HOXA9: variants seen among roughly 807,000 people sequenced by gnomAD.
HOXA9 encodes homeobox protein Hox-A9.
In HOXA9, 18 loss-of-function variants were observed where a neutral mutation model predicts 19.0. The ratio of observed to expected loss-of-function variants is 0.95; its 90% CI spans 0.65 to 1.40. The LOEUF is 1.40. HOXA9 is among the 40% of genes most tolerant of loss of function. HOXA9 has a pLI of 0.00. For missense variants in HOXA9, 443 were observed against 372.2 expected (o/e 1.19, Z -1.57); for synonymous variants, 198 against 161.1 (o/e 1.23, Z -1.73).
rs1562504807 is a variant in HOXA9 at position 27,163,914 on chromosome 7, TG to T, written c.581-74del. On this transcript the variant is annotated intron_variant, in intron 1 of 1. Coordinates refer to ENST00000343483, the MANE Select transcript of HOXA9 (RefSeq NM_152739.4). Reference sequence around the variant, plus strand: ...CGCTGGGGCAAATGAGCCTCCTGCATGGGGTCTCTGGCCGAAGTGCAGAACT... The same window carrying T: ...CGCTGGGGCAAATGAGCCTCCTGCATGGGTCTCTGGCCGAAGTGCAGAACT... 17 of 1,257,676 alleles carry T rather than the reference TG, an allele frequency of 1.4e-5. No homozygotes were observed. The South Asian group carries it at 2.0e-4, about 15-fold the overall frequency. 77.9% of individuals were successfully genotyped at this position (1,257,676 alleles called of 1,614,324 possible).
In HOXA9 at chr7:27,165,410, C is replaced by G; in HGVS notation, c.48G>C (p.Leu16=). 1 of 1,609,672 alleles carries G rather than the reference C, an allele frequency of 6.2e-7. No homozygotes were observed. The highest frequency in any genetic ancestry group is 1.3e-5 in the African/African-American group (1 of 74,884). The change falls in exon 1 of 2, where the codon CTG becomes CTC. Residue 16 remains leucine (L), a synonymous_variant. Coordinates refer to ENST00000343483, the MANE Select transcript of HOXA9 (RefSeq NM_152739.4). ...ALGNYYVDSF[L]LGADAADELS... The stretch of plus-strand genomic sequence containing the variant: ...GCTCATCCGCGGCGTCGGCGCCCAG[C>G]AGGAACGAGTCCACGTAGTAGTTGC...
Position 27,163,449 on chromosome 7 carries a change from T to G in HOXA9, c.*154A>C. 1.5e-6 allele frequency: 1 copy of G among 688,380 alleles called. No individual in the cohort carries two copies. Among genetic ancestry groups the G allele is most frequent in the South Asian group, 1.8e-5 (1 of 55,876 alleles). The allele number at this position is 688,380 out of a possible 1,614,324, so 42.6% of individuals were successfully genotyped here. ...CGAGCCAGCCTGAACAGGGTTTGCC[T>G]TGGAAAAGATGTGGCCTGAGGTTTA... On this transcript the variant is annotated 3_prime_UTR_variant, in exon 2 of 2. Transcript: ENST00000343483.
chr7:27,164,385 C>CCGGGT (rs1365071431), intron 1 of HOXA9, among the ~76,000 whole-genome samples: 1 of 152,222 alleles, frequency 6.6e-6, no homozygotes, highest in Non-Finnish European at 1.5e-5. Flanking sequence ...CCCTTGTGGC[C>CCGGGT]CGGGTCGCCC....
At chr7:27,164,128 T>C (rs148324732) in intron 1 of HOXA9, among the ~76,000 whole-genome samples, 13 of 152,232 alleles carry the variant, frequency 8.5e-5, no homozygotes, top group African/African-American at 2.9e-4. Context: ...AAACGCTGTA[T>C]AGAATGAAAT....
Position 27,163,576 on chromosome 7 carries a change from C to G in HOXA9, c.*27G>C, listed in dbSNP as rs17472140. 709 of 1,554,630 alleles carry G rather than the reference C, an allele frequency of 4.6e-4. 5 individuals are homozygous for G. The African/African-American group carries it at 8.5e-3, about 19-fold the overall frequency. On this transcript the variant is annotated 3_prime_UTR_variant, in exon 2 of 2. Coordinates refer to ENST00000343483, the MANE Select transcript of HOXA9 (RefSeq NM_152739.4). ...TCTTTCTTTTTCTCTCTAGCTTACC[C>G]TTTTTTCTAAATAAGCCCAAATGGC...
rs1471459341 is a variant in HOXA9 at position 27,163,049 on chromosome 7, T to G, written c.*554A>C. On this transcript the variant is annotated 3_prime_UTR_variant, in exon 2 of 2. Coordinates refer to ENST00000343483, the MANE Select transcript of HOXA9 (RefSeq NM_152739.4). ...TGTTTTTTTCCCCTCATAAACAACC[T>G]GAGTTCAAATTGAATTCTATCTTCC... 4.8e-6 allele frequency: 1 copy of G among 208,866 alleles called. No individual in the cohort carries two copies. Among genetic ancestry groups the G allele is most frequent in the East Asian group, 7.3e-5 (1 of 13,726 alleles). 12.9% of individuals were successfully genotyped at this position (208,866 alleles called of 1,614,324 possible).
Position 27,165,094 on chromosome 7 carries a change from C to T in HOXA9, c.364G>A (p.Ala122Thr). 6.2e-7 allele frequency: 1 copy of T among 1,612,970 alleles called. No homozygotes were observed. Among genetic ancestry groups the T allele is most frequent in the Middle Eastern group, 1.7e-4 (1 of 6,048 alleles). Residue 122 changes from alanine (A) to threonine (T), a missense_variant, in exon 1 of 2, where the codon GCG becomes ACG. Coordinates refer to ENST00000343483, the MANE Select transcript of HOXA9 (RefSeq NM_152739.4). ...TAAGGCCGGCTGGAGGGCAAGCCCG[C>T]GAAGGAGAGCGCACCGGGCGTGGGC... ...LEPTPGALSF[A>T]GLPSSRPYGI... is the part of the protein sequence containing the mutation.
chr7:27,164,839 G>A, intron 1 of HOXA9, 39 bp downstream of exon 1: 1 of 1,587,084 alleles, frequency 6.3e-7, no homozygotes, highest in Non-Finnish European at 8.6e-7. Context: ...GGAGGCCGGC[G>A]TGGAGGCGGC....
rs1175504000 is a variant in HOXA9, at chr7:27,165,327, G to A, written c.131C>T (p.Thr44Met). The change falls in exon 1 of 2, where the codon ACG becomes ATG. Residue 44 changes from threonine (T) to methionine (M), a missense_variant. By Grantham distance (81) the Thr-to-Met change is moderately conservative (BLOSUM62 -1). Coordinates refer to ENST00000343483, the MANE Select transcript of HOXA9 (RefSeq NM_152739.4). Reference protein sequence around the residue: ...TLGQPPRQAATLAEHPDFSPC... With the variant: ...TLGQPPRQAAMLAEHPDFSPC... Reference sequence around the variant, plus strand: ...GCTGAAGTCGGGGTGCTCGGCCAGCGTCGCCGCCTGCCGGGGAGGCTGGCC... The same window carrying A: ...GCTGAAGTCGGGGTGCTCGGCCAGCATCGCCGCCTGCCGGGGAGGCTGGCC... 1 of 1,578,096 alleles carries A rather than the reference G, an allele frequency of 6.3e-7. No homozygotes were observed. Among genetic ancestry groups the A allele is most frequent in the Non-Finnish European group, 8.6e-7 (1 of 1,163,880 alleles).
chr7:27,164,256 C>T (rs1783266400), intron 1 of HOXA9, among the ~76,000 whole-genome samples: 1 of 152,238 alleles, frequency 6.6e-6, no homozygotes. Context: ...ACCTGTCCCT[C>T]TACGCCCCCC....
At position 27,163,273 on chromosome 7, in the gene HOXA9, T is replaced by C; in HGVS notation, c.*330A>G. ...TATAAAAAGGTAGTTTCTTTCCTTT[T>C]GTTTTAAGTCAGGAACAGGTAGATT... is the stretch of plus-strand genomic sequence containing the variant. On this transcript the variant is annotated 3_prime_UTR_variant, in exon 2 of 2. Coordinates refer to ENST00000343483, the MANE Select transcript of HOXA9 (RefSeq NM_152739.4). 3.6e-6 allele frequency: 1 copy of C among 280,554 alleles called. No homozygotes were observed. Among genetic ancestry groups the C allele is most frequent in the East Asian group, 5.4e-5 (1 of 18,430 alleles). The allele number at this position is 280,554 out of a possible 1,614,324, so 17.4% of individuals were successfully genotyped here.
rs548387720 is a variant in HOXA9, at chr7:27,162,704, T to C, written c.*899A>G. 1 of 209,836 alleles carries C rather than the reference T, an allele frequency of 4.8e-6. No homozygotes were observed. The highest frequency in any genetic ancestry group is 1.9e-4 in the South Asian group (1 of 5,292). The allele number at this position is 209,836 out of a possible 1,614,324, so 13.0% of individuals were successfully genotyped here. On this transcript the variant is annotated 3_prime_UTR_variant, in exon 2 of 2. Coordinates refer to ENST00000343483, the MANE Select transcript of HOXA9 (RefSeq NM_152739.4). ...TAAGCATAAACCCTAGGTAGTAACC[T>C]TCTGCACATATGTATAGCTCCGAAT... is the stretch of plus-strand genomic sequence containing the variant.
At position 27,165,149 on chromosome 7, in the gene HOXA9, C is replaced by G; in HGVS notation, c.309G>C (p.Pro103=). ...GCCAGGAGCGCATGTACCTGCCGTCCGGCGCCGCCGCCGCCACGGGCGCCT... is the reference window on the plus strand; with the variant it reads ...GCCAGGAGCGCATGTACCTGCCGTCGGGCGCCGCCGCCGCCACGGGCGCCT... ...HPQAPVAAAA[P]DGRYMRSWLE... The change falls in exon 1 of 2, where the codon CCG becomes CCC. Residue 103 remains proline (P), a synonymous_variant. Transcript: ENST00000343483. 2 of 1,597,392 alleles carry G rather than the reference C, an allele frequency of 1.3e-6. No homozygotes were observed. The highest frequency in any genetic ancestry group is 1.7e-6 in the Non-Finnish European group (2 of 1,171,734).
chr7:27,163,881 G>T (rs771102538), intron 1 of HOXA9, 40 bp from the exon 2 acceptor site: 5 of 1,535,812 alleles, frequency 3.3e-6, no homozygotes, highest in African/African-American at 2.7e-5. Context: ...AGCAGAAGAC[G>T]CACATCCCGC....
chr7:27,165,190 G>C lies in HOXA9; in HGVS notation c.268C>G (p.Pro90Ala). Residue 90 changes from proline to alanine, a missense_variant, in exon 1 of 2, where the codon CCC (proline) becomes GCC (alanine). Transcript: ENST00000343483. ...ACGGGCGCCTGGGGGTGCACGTAGGGGTGGTGGTGATGGTGGTGGTACACC... is the reference window on the plus strand; with the variant it reads ...ACGGGCGCCTGGGGGTGCACGTAGGCGTGGTGGTGATGGTGGTGGTACACC... ...AAVYHHHHHH[P>A]YVHPQAPVAA... 6.3e-7 allele frequency: 1 copy of C among 1,593,372 alleles called. No individual in the cohort carries two copies. The highest frequency in any genetic ancestry group is 8.5e-7 in the Non-Finnish European group (1 of 1,170,488).
chr7:27,163,086 G>A lies in HOXA9; in HGVS notation c.*517C>T. On this transcript the variant is annotated 3_prime_UTR_variant, in exon 2 of 2. Coordinates refer to ENST00000343483, the MANE Select transcript of HOXA9 (RefSeq NM_152739.4). ...GAATTCTATCTTCCACAATCACAATGGGTGCATCACCCAGTACACAGAAGT... is the reference window on the plus strand; with the variant it reads ...GAATTCTATCTTCCACAATCACAATAGGTGCATCACCCAGTACACAGAAGT... 4.7e-6 allele frequency: 1 copy of A among 214,776 alleles called. No homozygotes were observed. Among genetic ancestry groups the A allele is most frequent in the African/African-American group, 2.3e-5 (1 of 44,336 alleles). 13.3% of individuals were successfully genotyped at this position (214,776 alleles called of 1,614,324 possible).
In HOXA9 at chr7:27,165,235, C is replaced by T. The variant is rs1783303877; in HGVS notation, c.223G>A (p.Ala75Thr). 1 of 1,564,840 alleles carries T rather than the reference C, an allele frequency of 6.4e-7. No homozygotes were observed. Among genetic ancestry groups the T allele is most frequent in the East Asian group, 2.3e-5 (1 of 43,918 alleles). Residue 75 changes from alanine to threonine, a missense_variant, in exon 1 of 2, where the codon GCC (alanine) becomes ACC (threonine). Coordinates refer to ENST00000343483, the MANE Select transcript of HOXA9 (RefSeq NM_152739.4). ...TACACCGCAGCGGGTACAGCGTTGG[C>T]GCCCGCCGCGTGCACTGGGTTCCAC... is the stretch of plus-strand genomic sequence containing the variant. ...ASWNPVHAAG[A>T]NAVPAAVYHH...
In HOXA9 at chr7:27,163,337, A is replaced by G; in HGVS notation, c.*266T>C. ...ATACAAGCTAACACACACAGCTATC[A>G]GCACTAATGCCCCCCCCTCAACTTT... On this transcript the variant is annotated 3_prime_UTR_variant, in exon 2 of 2. Coordinates refer to ENST00000343483, the MANE Select transcript of HOXA9 (RefSeq NM_152739.4). The G allele has an allele frequency of 2.2e-6, 1 of 456,548 alleles. No individual in the cohort carries two copies. The highest frequency in any genetic ancestry group is 3.9e-6 in the Non-Finnish European group (1 of 256,566). The allele number at this position is 456,548 out of a possible 1,614,324, so 28.3% of individuals were successfully genotyped here.
In HOXA9 at chr7:27,162,552, T is replaced by C. The variant is rs1480020464; in HGVS notation, c.*1051A>G. 4 of 213,610 alleles carry C rather than the reference T, an allele frequency of 1.9e-5. No individual in the cohort carries two copies. Among genetic ancestry groups the C allele is most frequent in the African/African-American group, 9.1e-5 (4 of 44,134 alleles). The allele number at this position is 213,610 out of a possible 1,614,324, so 13.2% of individuals were successfully genotyped here. On this transcript the variant is annotated 3_prime_UTR_variant, in exon 2 of 2. Coordinates refer to ENST00000343483, the MANE Select transcript of HOXA9 (RefSeq NM_152739.4). The stretch of plus-strand genomic sequence containing the variant: ...CAAAATATACAGTGTAAGTTCAGTC[T>C]GATGGAAACCCCAGATTCATCAAGG...
Sources: allele counts gnomAD v4.1 joint callset (sites outside exome capture counted in the v4.1 genomes callset), GRCh38; gene constraint gnomAD v4.1.1; transcripts MANE v1.5; gene names NCBI Gene and HGNC (gene_info 2026-07-23, HGNC 2026-07-21).